C12orf42: variants seen among roughly 807,000 people sequenced by gnomAD.
C12orf42 encodes the protein chromosome 12 open reading frame 42.
Under a neutral mutation model 21.6 loss-of-function variants are expected in C12orf42, and 25 were observed. The ratio of observed to expected loss-of-function variants is 1.16; its 90% CI spans 0.84 to 1.62. The LOEUF is 1.62. C12orf42 is among the 40% of genes most tolerant of loss of function. C12orf42 has a pLI of 0.00. For missense variants in C12orf42, 483 were observed against 459.3 expected (o/e 1.05, Z -0.47); for synonymous variants, 174 against 175.0 (o/e 0.99, Z 0.05).
intron 5 of C12orf42, chr12:103,273,808 T>A (rs2035604203): frequency 6.6e-6 from 3 of 456,134 alleles, no homozygotes; most frequent in African/African-American, 6.0e-5. Flanking sequence ...ACTTCATGGG[T>A]CTGAGTCAGC....
At chr12:103,259,745 T>A (rs2136220260) in intron 10 of C12orf42, among the ~76,000 whole-genome samples, 1 of 152,318 alleles carries the variant, frequency 6.6e-6, no homozygotes, top group Admixed American at 6.5e-5. Context: ...AATTCACACA[T>A]ACCCCTCTAC....
At chr12:103,433,951 TA>T (rs896764469) in intron 2 of C12orf42, among the ~76,000 whole-genome samples, 3 of 152,254 alleles carry the variant, frequency 2.0e-5, no homozygotes, top group Non-Finnish European at 2.9e-5. Context: ...AATTTGTGAA[TA>T]AAATGGCATG....
At chr12:103,235,324 C>T (rs2033435271), downstream of C12orf42, among the ~76,000 whole-genome samples, 1 of 151,992 alleles carries the variant, frequency 6.6e-6, no homozygotes, top group Admixed American at 6.6e-5. Context: ...CTAAAGAAAC[C>T]AGGAGAGATT....
At chr12:103,180,137 A>T in the C12orf42 span, among the ~76,000 whole-genome samples, 1,794 of 142,476 alleles carry the variant, frequency 0.013, 16 homozygotes, top group South Asian at 0.043. Flanking sequence ...TTCCCTCAAT[A>T]AAAAAAAAAA....
intron 3 of C12orf42, among the ~76,000 whole-genome samples, chr12:103,389,316 TATGCAAA>T (rs1191891751): frequency 6.6e-6 from 1 of 152,176 alleles, no homozygotes; most frequent in Non-Finnish European, 1.5e-5. Flanking sequence ...AATTTGACTA[TATGCAAA>T]ATATCATTAA....
chr12:103,160,970 A>G, the C12orf42 span, among the ~76,000 whole-genome samples: 1 of 152,216 alleles, frequency 6.6e-6, no homozygotes, highest in Non-Finnish European at 1.5e-5. Flanking sequence ...AATAACCCTT[A>G]TTGAGCTATT....
At chr12:103,411,215 CTA>C (rs1297157870) in intron 2 of C12orf42, among the ~76,000 whole-genome samples, 1 of 152,156 alleles carries the variant, frequency 6.6e-6, no homozygotes. Context: ...ATATAAAAAA[CTA>C]TCTCTTTTAG....
At chr12:103,205,612 G>A in the C12orf42 span, among the ~76,000 whole-genome samples, 1 of 152,032 alleles carries the variant, frequency 6.6e-6, no homozygotes. Flanking sequence ...TCTCAGCAGT[G>A]CCACACCTGC....
At chr12:103,388,907 G>A (rs1211087118) in intron 3 of C12orf42, among the ~76,000 whole-genome samples, 2 of 152,186 alleles carry the variant, frequency 1.3e-5, no homozygotes, top group African/African-American at 2.4e-5. Flanking sequence ...GCCTTGGTTG[G>A]GACCAAAGAT....
chr12:103,244,183 C>G (rs755352662), intron 10 of C12orf42, among the ~76,000 whole-genome samples: 8 of 152,114 alleles, frequency 5.3e-5, no homozygotes, highest in Non-Finnish European at 1.2e-4. Context: ...TGGACATGAA[C>G]TTTCTAGTCC....
intron 3 of C12orf42, among the ~76,000 whole-genome samples, chr12:103,380,755 A>T (rs1208329316): frequency 6.6e-6 from 1 of 152,220 alleles, no homozygotes; most frequent in Non-Finnish European, 1.5e-5. Flanking sequence ...CTAACATGTT[A>T]TTGAGTACCT....
chr12:103,056,033 T>C, the C12orf42 span, among the ~76,000 whole-genome samples: 1 of 152,156 alleles, frequency 6.6e-6, no homozygotes, highest in African/African-American at 2.4e-5. Context: ...GAGTGTTCTA[T>C]ACATAGCGAT....
the C12orf42 span, among the ~76,000 whole-genome samples, chr12:103,069,082 G>A: frequency 2.2e-4 from 32 of 148,378 alleles, no homozygotes; most frequent in South Asian, 1.7e-3. Context: ...CTCTGACTCC[G>A]CTTAGATATT....
At chr12:103,223,695 G>GT in the C12orf42 span, among the ~76,000 whole-genome samples, 1 of 152,150 alleles carries the variant, frequency 6.6e-6, no homozygotes, top group African/African-American at 2.4e-5. Context: ...GGGATGACAA[G>GT]TTTTTTGGGG....
At chr12:103,436,437 A>C (rs969003056) in intron 2 of C12orf42, among the ~76,000 whole-genome samples, 1 of 152,142 alleles carries the variant, frequency 6.6e-6, no homozygotes, top group East Asian at 1.9e-4. Context: ...AAATGCTCCA[A>C]TTAAAAGACA....
chr12:103,121,877 A>AT, the C12orf42 span, among the ~76,000 whole-genome samples: 1 of 152,158 alleles, frequency 6.6e-6, no homozygotes, highest in East Asian at 1.9e-4. Flanking sequence ...GTACTTTAAC[A>AT]TTTTTTTAGA....
At chr12:103,112,656 G>A in the C12orf42 span, among the ~76,000 whole-genome samples, 2 of 152,112 alleles carry the variant, frequency 1.3e-5, no homozygotes, top group Admixed American at 6.5e-5. Context: ...GTGAGATTCT[G>A]TCTCAAAAAC....
the C12orf42 span, among the ~76,000 whole-genome samples, chr12:103,057,813 A>G: frequency 2.6e-5 from 4 of 152,270 alleles, no homozygotes; most frequent in Non-Finnish European, 5.9e-5. Flanking sequence ...CTACACTGTC[A>G]CCAACAGTGT....
At chr12:103,347,253 GTCCATGTGT>G (rs1368219039) in intron 4 of C12orf42, among the ~76,000 whole-genome samples, 1 of 148,284 alleles carries the variant, frequency 6.7e-6, no homozygotes, top group Non-Finnish European at 1.5e-5. Flanking sequence ...CCCTCCCTGT[GTCCATGTGT>G]TCTCATTGTT....
Sources: allele counts gnomAD v4.1 joint callset (sites outside exome capture counted in the v4.1 genomes callset), GRCh38; gene constraint gnomAD v4.1.1; transcripts MANE v1.5; gene names NCBI Gene and HGNC (gene_info 2026-07-23, HGNC 2026-07-21).